RIN2: variants seen among roughly 807,000 people sequenced by gnomAD.
The protein encoded by RIN2 is RAB5 interacting protein 2.
RIN2 carries 36 observed loss-of-function variants against 78.0 expected under a neutral mutation model. The ratio of observed to expected loss-of-function variants is 0.46; its 90% CI spans 0.35 to 0.61. The LOEUF is 0.61. Among genes scored for constraint, RIN2 ranks in the 20% least tolerant of loss-of-function variants. The pLI, the probability that RIN2 is intolerant of heterozygous loss-of-function variation, is 0.00. For missense variants in RIN2, 1,087 were observed against 1,159.7 expected (o/e 0.94, Z 0.91); for synonymous variants, 466 against 466.8 (o/e 1.00, Z 0.02).
At chr20:19,859,266 C>G (rs2037260265) in intron 2 of RIN2, among the ~76,000 whole-genome samples, 1 of 152,196 alleles carries the variant, frequency 6.6e-6, no homozygotes, top group South Asian at 2.1e-4. Flanking sequence ...GGGCGTCCAC[C>G]CTCAGGCACA....
rs1042401984 is a variant in RIN2 at position 19,928,713 on chromosome 20, T to C, written c.58-6386T>C. Among the ~76,000 whole-genome samples, 35 of 152,246 alleles carry C rather than the reference T, an allele frequency of 2.3e-4. 1 individual carries two copies. In the Middle Eastern group the frequency reaches 0.014, roughly 59 times the overall value. On this transcript the variant is annotated intron_variant, in intron 3 of 12. Transcript: ENST00000255006. Reference sequence around the variant, plus strand: ...CACTCAGGTGAACACCTCAGGCTTCTCAAGGTGTGTTATGCACGAATGCAG... The same window carrying C: ...CACTCAGGTGAACACCTCAGGCTTCCCAAGGTGTGTTATGCACGAATGCAG...
chr20:19,993,944 G>T (rs960630486), intron 11 of RIN2, among the ~76,000 whole-genome samples: 20 of 152,180 alleles, frequency 1.3e-4, no homozygotes, highest in African/African-American at 3.9e-4. Context: ...TTAGAAAGTC[G>T]ATTCTGTTGC....
intron 7 of RIN2, among the ~76,000 whole-genome samples, chr20:19,966,208 A>G (rs1352694388): frequency 1.3e-5 from 2 of 152,130 alleles, no homozygotes; most frequent in East Asian, 3.9e-4. Flanking sequence ...ACACACGTAT[A>G]GGCTGGGGAG....
chr20:19,814,169 C>T (rs977579303), intron 2 of RIN2, among the ~76,000 whole-genome samples: 1 of 152,192 alleles, frequency 6.6e-6, no homozygotes, highest in African/African-American at 2.4e-5. Context: ...TACGAGGTCA[C>T]ACAATAAAAT....
At chr20:19,842,208 GTTT>G (rs760874785) in intron 2 of RIN2, among the ~76,000 whole-genome samples, 1 of 66,796 alleles carries the variant, frequency 1.5e-5, no homozygotes, top group Non-Finnish European at 3.0e-5. Context: ...TTGTTTCTTT[GTTT>G]TTTTTGTTTG....
chr20:19,844,964 A>G (rs2036736467), intron 2 of RIN2, among the ~76,000 whole-genome samples: 1 of 151,688 alleles, frequency 6.6e-6, no homozygotes, highest in African/African-American at 2.4e-5. Flanking sequence ...ACTCCCACTT[A>G]TGAGTGAGAA....
intron 1 of RIN2, among the ~76,000 whole-genome samples, chr20:19,759,191 G>A (rs538285966): frequency 6.6e-6 from 1 of 152,190 alleles, no homozygotes; most frequent in Non-Finnish European, 1.5e-5. Context: ...AAGAAATACA[G>A]GGCAAGATCG....
chr20:19,788,445 A>AAAACAAAAACAAAAAAAAAAC (rs2034771727), intron 1 of RIN2, among the ~76,000 whole-genome samples: 3 of 150,416 alleles, frequency 2.0e-5, no homozygotes, highest in African/African-American at 7.4e-5. Context: ...AAAAAAAAAA[A>AAAACAAAAACAAAAAAAAAAC]AAAACAACTA....
At chr20:19,915,980 G>T (rs1488689281) in intron 3 of RIN2, among the ~76,000 whole-genome samples, 1 of 152,126 alleles carries the variant, frequency 6.6e-6, no homozygotes, top group African/African-American at 2.4e-5. Context: ...TGTGGCTCAC[G>T]CCTGTAATCC....
intron 3 of RIN2, among the ~76,000 whole-genome samples, chr20:19,902,417 C>G (rs879340001): frequency 1.3e-5 from 2 of 152,230 alleles, no homozygotes; most frequent in Non-Finnish European, 2.9e-5. Flanking sequence ...GCACCTGTCC[C>G]TCACCGCTGT....
At chr20:19,968,184 CT>C (rs1279730446) in intron 7 of RIN2, among the ~76,000 whole-genome samples, 2 of 152,198 alleles carry the variant, frequency 1.3e-5, no homozygotes, top group Non-Finnish European at 2.9e-5. Flanking sequence ...GGCATCACGG[CT>C]TCCTCCCAGG....
chr20:19,764,630 AT>A (rs2033788672), intron 1 of RIN2, among the ~76,000 whole-genome samples: 1 of 152,198 alleles, frequency 6.6e-6, no homozygotes, highest in South Asian at 2.1e-4. Flanking sequence ...TTTTCTTAAA[AT>A]TTCCTTAGTG....
chr20:19,988,275 C>T (rs188010852), intron 9 of RIN2, among the ~76,000 whole-genome samples: 12 of 152,226 alleles, frequency 7.9e-5, no homozygotes, highest in African/African-American at 2.6e-4. Context: ...TGCGCCACAA[C>T]GCCAAGCTAA....
At chr20:19,828,790 T>C (rs911854140) in intron 2 of RIN2, among the ~76,000 whole-genome samples, 2 of 152,276 alleles carry the variant, frequency 1.3e-5, no homozygotes, top group East Asian at 3.9e-4. Flanking sequence ...TCCTAGGAAG[T>C]TCTGCAGAGC....
At chr20:19,880,214 G>A (rs1260638857) in intron 2 of RIN2, among the ~76,000 whole-genome samples, 3 of 147,016 alleles carry the variant, frequency 2.0e-5, no homozygotes, top group African/African-American at 7.6e-5. Context: ...TCATGCCACT[G>A]TACTCCATCC....
At chr20:19,959,138 A>C (rs1249490796) in intron 5 of RIN2, among the ~76,000 whole-genome samples, 2 of 152,246 alleles carry the variant, frequency 1.3e-5, no homozygotes, top group Non-Finnish European at 2.9e-5. Context: ...GCCATAGACA[A>C]TATGTAAATG....
At chr20:19,913,933 C>T (rs2039578010) in intron 3 of RIN2, among the ~76,000 whole-genome samples, 1 of 152,090 alleles carries the variant, frequency 6.6e-6, no homozygotes, top group Non-Finnish European at 1.5e-5. Context: ...TTTTCTCTTG[C>T]CCCGAATAAA....
chr20:19,998,125 C>G (rs1422013611), intron 12 of RIN2, among the ~76,000 whole-genome samples: 1 of 151,796 alleles, frequency 6.6e-6, no homozygotes, highest in Non-Finnish European at 1.5e-5. Flanking sequence ...ACTACAGGTG[C>G]TCACCACCAC....
chr20:19,998,182 G>A (rs948857663), intron 12 of RIN2, among the ~76,000 whole-genome samples: 9 of 152,134 alleles, frequency 5.9e-5, no homozygotes, highest in African/African-American at 1.4e-4. Context: ...GGATTTCACC[G>A]TGGTGGCCAG....
Sources: gnomAD v4.1 joint callset for allele counts (sites outside exome capture counted in the v4.1 genomes callset) on GRCh38, gnomAD v4.1.1 for gene constraint, MANE v1.5 for transcripts, NCBI Gene and HGNC (gene_info 2026-07-23, HGNC 2026-07-21) for gene names.